The following COBLL1 variants were observed in gnomAD, a reference collection of about 807,000 sequenced individuals.
COBLL1 encodes cordon-bleu protein-like 1.
Under a neutral mutation model 94.8 loss-of-function variants are expected in COBLL1, and 50 were observed. That is an observed-to-expected ratio of 0.53 (90% confidence interval 0.42 to 0.67). The LOEUF (loss-of-function observed/expected upper bound fraction) is 0.67, where lower values mean the gene tolerates loss of function less well. Among genes scored for constraint, COBLL1 ranks in the 30% least tolerant of loss-of-function variants. COBLL1 has a pLI of 0.00. For missense variants in COBLL1, 1,362 were observed against 1,348.7 expected, an observed-to-expected ratio of 1.01 and a Z score of -0.15; for synonymous variants, 448 against 473.8, an observed-to-expected ratio of 0.95 and a Z score of 0.71.
At chr2:164,793,393 AC>A (rs1438577079) in intron 2 of COBLL1, among the ~76,000 whole-genome samples, 1 of 152,108 alleles carries the variant, frequency 6.6e-6, no homozygotes, top group African/African-American at 2.4e-5. Context: ...CCAAAACTGA[AC>A]CTTTTACACA....
chr2:164,822,803 C>T (rs1685241447), intron 2 of COBLL1, among the ~76,000 whole-genome samples: 1 of 149,674 alleles, frequency 6.7e-6, no homozygotes, highest in Non-Finnish European at 1.5e-5. Context: ...GAGTCTCACC[C>T]TGTTGCCCAG....
intron 2 of COBLL1, among the ~76,000 whole-genome samples, chr2:164,762,268 A>G (rs1687721265): frequency 6.6e-6 from 1 of 152,216 alleles, no homozygotes; most frequent in Admixed American, 6.5e-5. Context: ...CCACTGAGCT[A>G]GAAAAAAAGT....
chr2:164,705,068 A>G lies in COBLL1; in HGVS notation c.1034T>C (p.Leu345Pro). ...CEAGRVRAGSLQLSSMSAGNS... is the reference protein window; with the variant it reads ...CEAGRVRAGSPQLSSMSAGNS... ...CCCTGCAGACATGCTGCTGAGCTGCAGTGAACCTGCCCTCACTCTTCCTGC... is the reference window on the plus strand; with the variant it reads ...CCCTGCAGACATGCTGCTGAGCTGCGGTGAACCTGCCCTCACTCTTCCTGC... Residue 345 changes from leucine to proline, a missense_variant, in exon 8 of 14, where the codon CTG (leucine) becomes CCG (proline). Coordinates refer to ENST00000652658, the MANE Select transcript of COBLL1 (RefSeq NM_001365672.2). 4.4e-6 allele frequency: 7 copies of G among 1,588,874 alleles called. No homozygotes were observed. The highest frequency in any genetic ancestry group is 1.4e-5 in the African/African-American group (1 of 73,864).
chr2:164,792,981 A>T (rs1313328975), intron 2 of COBLL1, among the ~76,000 whole-genome samples: 1 of 152,110 alleles, frequency 6.6e-6, no homozygotes, highest in Non-Finnish European at 1.5e-5. Context: ...TTCTTACCCC[A>T]AAACTCCATT....
At chr2:164,762,715 G>C (rs1180382905) in intron 2 of COBLL1, among the ~76,000 whole-genome samples, 2 of 49,482 alleles carry the variant, frequency 4.0e-5, no homozygotes, top group African/African-American at 2.0e-4. Context: ...TTTTTTTTTT[G>C]AGACGCAGTC....
chr2:164,777,272 T>G (rs1164332132), intron 2 of COBLL1, among the ~76,000 whole-genome samples: 2 of 151,984 alleles, frequency 1.3e-5, no homozygotes, highest in Non-Finnish European at 2.9e-5. Context: ...AGAAGTAATT[T>G]GATCCAATGT....
At position 164,695,025 on chromosome 2, in the gene COBLL1, T is replaced by C. The variant is rs137947385; in HGVS notation, c.2367A>G (p.Pro789=). Residue 789 remains proline (P), a synonymous_variant, in exon 12 of 14, where the codon CCA becomes CCG. Transcript: ENST00000652658. ...GTTTAAGGTTTGGCAGTGGCTCTTC[T>C]GGGCTTTCAGAAATAGCAGAATCTT... is the stretch of plus-strand genomic sequence containing the variant. ...QTEDSAISES[P]EEPLPNLKPK... The C allele has an allele frequency of 7.0e-4, 1,137 of 1,613,842 alleles. 1 individual carries two copies. The highest frequency in any genetic ancestry group is 9.2e-4 in the Non-Finnish European group (1,087 of 1,179,968).
intron 7 of COBLL1, among the ~76,000 whole-genome samples, chr2:164,718,672 A>G (rs1264480815): frequency 1.3e-5 from 2 of 152,178 alleles, no homozygotes; most frequent in Non-Finnish European, 2.9e-5. Flanking sequence ...AATGCAAATT[A>G]AGAGAAAATA....
chr2:164,799,382 A>G (rs912914364), intron 2 of COBLL1, among the ~76,000 whole-genome samples: 3 of 152,196 alleles, frequency 2.0e-5, no homozygotes, highest in Non-Finnish European at 4.4e-5. Flanking sequence ...AAACGAAAAT[A>G]CTTGACTGTA....
intron 3 of COBLL1, among the ~76,000 whole-genome samples, chr2:164,736,482 C>T (rs1686317582): frequency 6.6e-6 from 1 of 152,100 alleles, no homozygotes; most frequent in Non-Finnish European, 1.5e-5. Flanking sequence ...AAGTTCTTAA[C>T]ATACTAAAAA....
chr2:164,792,907 G>A (rs1420714776), intron 2 of COBLL1, among the ~76,000 whole-genome samples: 1 of 151,886 alleles, frequency 6.6e-6, no homozygotes, highest in East Asian at 1.9e-4. Flanking sequence ...ATAATATCCT[G>A]GAATGTCTCC....
chr2:164,759,555 T>C (rs1558988290), intron 2 of COBLL1, among the ~76,000 whole-genome samples: 2 of 152,026 alleles, frequency 1.3e-5, no homozygotes, highest in Non-Finnish European at 2.9e-5. Context: ...TATATGTATA[T>C]AAAAAAATTT....
chr2:164,696,987 T>A (rs1012740466), intron 11 of COBLL1: 1 of 152,250 alleles, frequency 6.6e-6, no homozygotes, highest in South Asian at 2.1e-4. Context: ...CATTACCCAC[T>A]ATTACCTATA....
intron 2 of COBLL1, among the ~76,000 whole-genome samples, chr2:164,761,827 TC>T (rs2105223776): frequency 6.6e-6 from 1 of 152,316 alleles, no homozygotes; most frequent in South Asian, 2.1e-4. Flanking sequence ...TAACAGGATG[TC>T]CACAGGAACA....
intron 2 of COBLL1, among the ~76,000 whole-genome samples, chr2:164,777,077 A>C (rs533249714): frequency 3.0e-4 from 45 of 152,130 alleles, no homozygotes; most frequent in Non-Finnish European, 5.4e-4. Context: ...TCCAGACTAT[A>C]TTTGGATTTC....
rs73968220 is a variant in COBLL1, at chr2:164,685,954, C to G, written c.3379G>C (p.Gly1127Arg). ...GTGTGGCAGGGTAACATTTAATGGC[C>G]GTCCTGGGCATCAGGGGACATGGAA... Reference protein sequence around the residue: ...SHSMSPDAQDGH With the variant: ...SHSMSPDAQDRH Residue 1127 changes from glycine to arginine, a missense_variant, in exon 14 of 14, where the codon GGC becomes CGC. Coordinates refer to ENST00000652658, the MANE Select transcript of COBLL1 (RefSeq NM_001365672.2). 818 of 1,600,894 alleles carry G rather than the reference C, an allele frequency of 5.1e-4. 3 individuals carry two copies. The African/African-American group carries it at 9.9e-3, about 19-fold the overall frequency.
chr2:164,841,293 C>G lies in COBLL1; in HGVS notation c.-50-47G>C. On this transcript the variant is annotated intron_variant, in intron 1 of 13. Coordinates refer to ENST00000652658, the MANE Select transcript of COBLL1 (RefSeq NM_001365672.2). This position sits in a 1 kb window ranked among gnomAD's most constrained non-coding sequence, Gnocchi z 5.5. ...GGTCAGGGCGGGACGCGCGCCTTCCCGAGGCCGGAGCGAAGCTGGCTGAGC... is the reference window on the plus strand; with the variant it reads ...GGTCAGGGCGGGACGCGCGCCTTCCGGAGGCCGGAGCGAAGCTGGCTGAGC... 3 of 1,216,894 alleles carry G rather than the reference C, an allele frequency of 2.5e-6. No individual in the cohort carries two copies. Among genetic ancestry groups the G allele is most frequent in the Non-Finnish European group, 3.1e-6 (3 of 978,398 alleles). 75.4% of individuals were successfully genotyped at this position (1,216,894 alleles called of 1,614,324 possible).
intron 2 of COBLL1, among the ~76,000 whole-genome samples, chr2:164,816,023 G>T (rs1684726593): frequency 6.6e-6 from 1 of 152,080 alleles, no homozygotes; most frequent in Admixed American, 6.6e-5. Flanking sequence ...CTTGCACTAA[G>T]AAGTTTATAA....
rs150229061 is a variant in COBLL1 at position 164,685,955 on chromosome 2, G to A, written c.3378C>T (p.Asp1126=). Residue 1126 remains aspartate, a synonymous_variant, in exon 14 of 14, where the codon GAC becomes GAT. Coordinates refer to ENST00000652658, the MANE Select transcript of COBLL1 (RefSeq NM_001365672.2). The part of the protein sequence containing the change: ...LSHSMSPDAQ[D]GH ...TGTGGCAGGGTAACATTTAATGGCC[G>A]TCCTGGGCATCAGGGGACATGGAAT... 2.2e-5 allele frequency: 36 copies of A among 1,601,666 alleles called. No individual in the cohort carries two copies. Among genetic ancestry groups the A allele is most frequent in the Non-Finnish European group, 2.8e-5 (33 of 1,170,242 alleles).
Sources: gnomAD v4.1 joint callset for allele counts (sites outside exome capture counted in the v4.1 genomes callset) on GRCh38, gnomAD v4.1.1 for gene constraint, Gnocchi (gnomAD v3.1) non-coding constraint, MANE v1.5 for transcripts, NCBI Gene and HGNC (gene_info 2026-07-23, HGNC 2026-07-21) for gene names.